POLN: variants seen among roughly 807,000 people sequenced by gnomAD.
POLN encodes DNA polymerase nu.
POLN carries 108 observed loss-of-function variants against 113.5 expected under a neutral mutation model. That is an observed-to-expected ratio of 0.95 (90% confidence interval 0.81 to 1.12). The LOEUF (loss-of-function observed/expected upper bound fraction) is 1.12, where lower values mean the gene tolerates loss of function less well. Among genes scored for constraint, POLN ranks in the 50% most tolerant of loss-of-function variants. The pLI is 0.00. For synonymous variants in POLN, 386 were observed against 391.5 expected, an observed-to-expected ratio of 0.99 and a Z score of 0.17; for missense variants, 1,097 against 1,077.1, an observed-to-expected ratio of 1.02 and a Z score of -0.26.
At position 2,176,338 on chromosome 4, in the gene POLN, T is replaced by C; in HGVS notation, c.1180-4A>G. 3 of 1,584,948 alleles carry C rather than the reference T, an allele frequency of 1.9e-6. No individual in the cohort carries two copies. Among genetic ancestry groups the C allele is most frequent in the Non-Finnish European group, 2.6e-6 (3 of 1,166,664 alleles). ...GGTTCTCACGTACATTCTGATTCTT[T>C]AAAAGAGCAAAAGTATTTTTAAAAA... is the stretch of plus-strand genomic sequence containing the variant. On this transcript the variant is annotated splice_polypyrimidine_tract_variant and splice_region_variant and intron_variant, in intron 8 of 25. Transcript: ENST00000511885.
rs181887114 is a variant in POLN at position 2,130,490 on chromosome 4, G to T, written c.1789+743C>A. On this transcript the variant is annotated intron_variant, in intron 17 of 25. Coordinates refer to ENST00000511885, the MANE Select transcript of POLN (RefSeq NM_181808.4). ...TCAGATTTGAACTTTTTCTTTTTTA[G>T]AAATGTACCCATCAGCATCACAGCA... Among the ~76,000 whole-genome samples, 9 of 152,316 alleles carry T rather than the reference G, an allele frequency of 5.9e-5. No homozygotes were observed. In the East Asian group the frequency reaches 1.7e-3, roughly 29 times the overall value.
intron 3 of POLN, among the ~76,000 whole-genome samples, chr4:2,227,304 G>A (rs1437205588): frequency 1.3e-5 from 2 of 152,124 alleles, no homozygotes; most frequent in Non-Finnish European, 2.9e-5. Context: ...ACAAGAAACT[G>A]AATTCTGTCA....
chr4:2,072,546 A>G (rs1294236652), intron 25 of POLN, among the ~76,000 whole-genome samples: 1 of 152,216 alleles, frequency 6.6e-6, no homozygotes, highest in Non-Finnish European at 1.5e-5. Context: ...CCCACCTGCC[A>G]GGGCCTCTGT....
intron 2 of POLN, chr4:2,238,971 C>A: frequency 6.3e-7 from 1 of 1,585,782 alleles, no homozygotes; most frequent in Non-Finnish European, 8.5e-7. Flanking sequence ...ATTTGAGTGA[C>A]CTCTTTTTCA....
At chr4:2,078,749 T>C in intron 23 of POLN, 1 of 985,472 alleles carries the variant, frequency 1.0e-6, no homozygotes, top group Non-Finnish European at 1.2e-6. Flanking sequence ...CATTTTGCTA[T>C]GAGAAGCATT....
Position 2,095,912 on chromosome 4 carries a change from C to G in POLN, c.2004G>C (p.Gln668His), listed in dbSNP as rs781580023. Residue 668 changes from glutamine (Q) to histidine (H), a missense_variant, in exon 20 of 26, where the codon CAG (glutamine) becomes CAC (histidine). Coordinates refer to ENST00000511885, the MANE Select transcript of POLN (RefSeq NM_181808.4). ...TTTGCTCTCTGTCTGCGTGTGTCAC[C>G]TGTTCCACGGGCACATCCTTCCTGC... The part of the protein sequence containing the change: ...TSQWKDVPVE[Q>H]VTHADREQTK... 9 of 1,614,078 alleles carry G rather than the reference C, an allele frequency of 5.6e-6. No homozygotes were observed. In the Admixed American group the frequency reaches 1.5e-4, roughly 27 times the overall value.
intron 13 of POLN, among the ~76,000 whole-genome samples, chr4:2,163,027 C>CAAAAAAAAAAAAA (rs66769262): frequency 1.5e-5 from 1 of 66,556 alleles, no homozygotes; most frequent in Non-Finnish European, 2.9e-5. Flanking sequence ...CAGTTCCTAC[C>CAAAAAAAAAAAAA]AAAAAAAAAA....
chr4:2,173,869 G>GA, intron 11 of POLN, 86 bp downstream of exon 11: 1 of 1,241,010 alleles, frequency 8.1e-7, no homozygotes, highest in Non-Finnish European at 1.2e-6. Flanking sequence ...AAGAAAAGGA[G>GA]AATCTACTCT....
At chr4:2,187,810 T>C (rs1210212806) in intron 7 of POLN, among the ~76,000 whole-genome samples, 1 of 152,096 alleles carries the variant, frequency 6.6e-6, no homozygotes, top group African/African-American at 2.4e-5. Flanking sequence ...CTATTCAAAG[T>C]GCTGAAAGAA....
chr4:2,185,810 T>C (rs2108753705), intron 7 of POLN, among the ~76,000 whole-genome samples: 1 of 151,886 alleles, frequency 6.6e-6, no homozygotes, highest in South Asian at 2.1e-4. Flanking sequence ...TAAAACAAAC[T>C]GTAAAAAAAC....
chr4:2,106,502 G>A (rs1269953748), intron 19 of POLN, among the ~76,000 whole-genome samples: 2 of 152,184 alleles, frequency 1.3e-5, no homozygotes, highest in Non-Finnish European at 2.9e-5. Flanking sequence ...ATTGGCATGT[G>A]TGAATGCCTA....
chr4:2,102,998 A>G (rs561628969), intron 19 of POLN, among the ~76,000 whole-genome samples: 3 of 152,348 alleles, frequency 2.0e-5, no homozygotes, highest in South Asian at 4.1e-4. Flanking sequence ...GTAAGGACAC[A>G]GGAAACATGA....
intron 2 of POLN, chr4:2,234,588 G>A (rs1362502410): frequency 6.6e-6 from 1 of 152,484 alleles, no homozygotes; most frequent in East Asian, 1.9e-4. Flanking sequence ...CCTACCCTGG[G>A]TCCGTGAATC....
In POLN at chr4:2,208,465, T is replaced by G; in HGVS notation, c.236A>C (p.Gln79Pro). 6.4e-7 allele frequency: 1 copy of G among 1,555,814 alleles called. No homozygotes were observed. Among genetic ancestry groups the G allele is most frequent in the South Asian group, 1.2e-5 (1 of 83,534 alleles). ...CAGCTTGGCAGAACCTCTTGATGTC[T>G]GACTTCTTAAAGATTTAAGATCCTA... is the stretch of plus-strand genomic sequence containing the variant. ...EKKDLKSLRSQTSRGSAKLSP... is the reference protein window; with the variant it reads ...EKKDLKSLRSPTSRGSAKLSP... Residue 79 changes from glutamine (Q) to proline (P), a missense_variant, in exon 5 of 26, where the codon CAG (glutamine) becomes CCG (proline). Physicochemically the swap from Gln to Pro is moderately conservative, Grantham distance 76. Coordinates refer to ENST00000511885, the MANE Select transcript of POLN (RefSeq NM_181808.4).
intron 8 of POLN, among the ~76,000 whole-genome samples, chr4:2,176,993 G>A (rs923456346): frequency 6.6e-6 from 1 of 152,142 alleles, no homozygotes; most frequent in Non-Finnish European, 1.5e-5. Context: ...CCTGAGATTA[G>A]AGTGAACATC....
rs1734846483 is a variant in POLN at position 2,238,519 on chromosome 4, T to G, written c.-13+3001A>C. 4 of 855,394 alleles carry G rather than the reference T, an allele frequency of 4.7e-6. No homozygotes were observed. The South Asian group carries it at 9.3e-5, about 20-fold the overall frequency. The allele number at this position is 855,394 out of a possible 1,614,324, so 53.0% of individuals were successfully genotyped here. ...TGAAATGCAAAGAATTGTTAAAAAC[T>G]TCCAAAATTTTAGCTCAAACTCTCT... On this transcript the variant is annotated intron_variant, in intron 2 of 25. Transcript: ENST00000511885.
chr4:2,222,187 A>T (rs944995873), intron 3 of POLN, among the ~76,000 whole-genome samples: 2 of 152,120 alleles, frequency 1.3e-5, no homozygotes, highest in Non-Finnish European at 2.9e-5. Flanking sequence ...TGGTATTTCA[A>T]TCAAGATTTA....
chr4:2,159,403 A>G (rs1243040061), intron 13 of POLN, among the ~76,000 whole-genome samples, 192 bp from the exon 14 acceptor site: 2 of 152,188 alleles, frequency 1.3e-5, no homozygotes, highest in Non-Finnish European at 2.9e-5. Context: ...TGATGTCTAC[A>G]TGGGCACTAA....
chr4:2,072,475 G>C (rs1407788739), intron 25 of POLN, among the ~76,000 whole-genome samples, 176 bp from the exon 26 acceptor site: 1 of 152,210 alleles, frequency 6.6e-6, no homozygotes, highest in African/African-American at 2.4e-5. Context: ...CACTCGCCCA[G>C]CAACAGGCTT....
Sources: allele counts gnomAD v4.1 joint callset (sites outside exome capture counted in the v4.1 genomes callset), GRCh38; gene constraint gnomAD v4.1.1; transcripts MANE v1.5; gene names NCBI Gene and HGNC (gene_info 2026-07-23, HGNC 2026-07-21).